PRR16: variants seen among roughly 807,000 people sequenced by gnomAD.
The protein encoded by PRR16 is proline rich 16.
In PRR16, 6 loss-of-function variants were observed where a neutral mutation model predicts 18.2. That is an observed-to-expected ratio of 0.33 (90% CI 0.18 to 0.65). The LOEUF is 0.65. Among genes scored for constraint, PRR16 ranks in the 30% least tolerant of loss-of-function variants. The pLI, the probability that PRR16 is intolerant of heterozygous loss-of-function variation, is 0.74. For synonymous variants in PRR16, 151 were observed against 147.8 expected (o/e 1.02, Z -0.16); for missense variants, 412 against 376.6 (o/e 1.09, Z -0.78).
At chr5:120,673,683 A>T (rs1293155681) in intron 1 of PRR16, among the ~76,000 whole-genome samples, 1 of 152,208 alleles carries the variant, frequency 6.6e-6, no homozygotes, top group African/African-American at 2.4e-5. Flanking sequence ...TCATGCCGAT[A>T]ATCCCAGCAC....
intron 1 of PRR16, among the ~76,000 whole-genome samples, chr5:120,577,048 G>C (rs984820768): frequency 2.6e-5 from 4 of 151,688 alleles, no homozygotes; most frequent in Non-Finnish European, 4.4e-5. Flanking sequence ...GTTTTCCAAC[G>C]CTGAAAGATT....
chr5:120,680,435 C>G (rs1438398374), intron 1 of PRR16, among the ~76,000 whole-genome samples: 2 of 152,084 alleles, frequency 1.3e-5, no homozygotes, highest in African/African-American at 4.8e-5. Flanking sequence ...CTAACACAAT[C>G]ACTTGTTAAT....
At chr5:120,664,608 TC>T (rs2150140957) in intron 1 of PRR16, among the ~76,000 whole-genome samples, 1 of 151,970 alleles carries the variant, frequency 6.6e-6, no homozygotes, top group East Asian at 1.9e-4. Context: ...CCCTCCCTGC[TC>T]CCCCTACCCC....
chr5:120,470,894 C>T (rs1439179057), intron 1 of PRR16, among the ~76,000 whole-genome samples: 1 of 152,068 alleles, frequency 6.6e-6, no homozygotes, highest in East Asian at 1.9e-4. Flanking sequence ...CCGCCAAGCT[C>T]TTTCACGTTT....
At chr5:120,675,293 A>G (rs976352381) in intron 1 of PRR16, among the ~76,000 whole-genome samples, 13 of 152,314 alleles carry the variant, frequency 8.5e-5, no homozygotes, top group African/African-American at 2.6e-4. Flanking sequence ...ATTCTTATCC[A>G]GTGACATTGT....
chr5:120,616,751 G>A (rs10042164), intron 1 of PRR16, among the ~76,000 whole-genome samples: 1 of 152,150 alleles, frequency 6.6e-6, no homozygotes, highest in African/African-American at 2.4e-5. Context: ...TGAGTCAGTG[G>A]TAACCTACAA....
At chr5:120,539,800 T>C (rs1353505513) in intron 1 of PRR16, among the ~76,000 whole-genome samples, 1 of 152,218 alleles carries the variant, frequency 6.6e-6, no homozygotes, top group African/African-American at 2.4e-5. Context: ...TATAATGTAA[T>C]TGGATGTTGT....
the PRR16 span, among the ~76,000 whole-genome samples, chr5:120,766,725 C>T: frequency 1.6e-4 from 24 of 151,872 alleles, no homozygotes; most frequent in Non-Finnish European, 2.9e-5. Flanking sequence ...GTTGGGTATA[C>T]AATAGATGAT....
At chr5:120,720,989 A>T in the PRR16 span, among the ~76,000 whole-genome samples, 35 of 152,168 alleles carry the variant, frequency 2.3e-4, no homozygotes, top group Non-Finnish European at 4.6e-4. Flanking sequence ...CCATCATTTC[A>T]TCATTTATCT....
chr5:120,742,660 T>C, the PRR16 span, among the ~76,000 whole-genome samples: 110 of 152,156 alleles, frequency 7.2e-4, no homozygotes, highest in Non-Finnish European at 1.2e-3. Flanking sequence ...TAAACTTCTT[T>C]CTATCTGTAT....
At chr5:120,697,668 G>T in the PRR16 span, among the ~76,000 whole-genome samples, 2 of 152,006 alleles carry the variant, frequency 1.3e-5, no homozygotes, top group Admixed American at 1.3e-4. Context: ...GATAAGGGTG[G>T]GGCCGTTTTA....
chr5:120,625,348 G>A (rs1437627846), intron 1 of PRR16, among the ~76,000 whole-genome samples: 3 of 152,024 alleles, frequency 2.0e-5, no homozygotes, highest in Non-Finnish European at 4.4e-5. Context: ...TTATTTTTTT[G>A]AGACAAGATC....
intron 1 of PRR16, among the ~76,000 whole-genome samples, chr5:120,518,453 C>G (rs1353864137): frequency 6.6e-6 from 1 of 151,970 alleles, no homozygotes; most frequent in African/African-American, 2.4e-5. Context: ...CCAGGAGTGG[C>G]ATGGAAACTG....
the PRR16 span, among the ~76,000 whole-genome samples, chr5:120,784,121 ATATT>A: frequency 6.6e-6 from 1 of 152,192 alleles, no homozygotes; most frequent in Non-Finnish European, 1.5e-5. Flanking sequence ...ATGGACATTT[ATATT>A]TATTTCATAT....
chr5:120,675,191 A>G (rs895151903), intron 1 of PRR16, among the ~76,000 whole-genome samples: 6 of 152,218 alleles, frequency 3.9e-5, no homozygotes, highest in Non-Finnish European at 8.8e-5. Flanking sequence ...GCAAGAGCAA[A>G]TGGCTGGATG....
chr5:120,585,796 C>T (rs535275753), intron 1 of PRR16, among the ~76,000 whole-genome samples: 2 of 151,956 alleles, frequency 1.3e-5, no homozygotes, highest in South Asian at 4.2e-4. Flanking sequence ...GGTACATTTC[C>T]TGAAATGAAA....
the PRR16 span, among the ~76,000 whole-genome samples, chr5:120,780,662 C>T: frequency 1.3e-5 from 2 of 152,106 alleles, no homozygotes; most frequent in Admixed American, 6.5e-5. Context: ...AGCTTTTCAA[C>T]GTTTTTTTAC....
At chr5:120,754,837 T>C in the PRR16 span, among the ~76,000 whole-genome samples, 12 of 151,086 alleles carry the variant, frequency 7.9e-5, no homozygotes, top group African/African-American at 2.7e-4. Flanking sequence ...TCAAAAGATA[T>C]GGATCAAAAC....
rs968856092 is a variant in PRR16, at chr5:120,464,539, C to G, written c.53C>G (p.Pro18Arg). ...TCCTCGTCCTGTCCAGCCGAGGGAC[C>G]GCCGGCAGCCTCCAAAACCAAGGTG... ...NPSSSCPAEG[P>R]PAASKTKVKE... Residue 18 changes from proline (P) to arginine (R), a missense_variant, in exon 1 of 2, where the codon CCG becomes CGG. Transcript: ENST00000407149. 2.5e-6 allele frequency: 4 copies of G among 1,591,490 alleles called. No individual in the cohort carries two copies. Among genetic ancestry groups the G allele is most frequent in the African/African-American group, 2.7e-5 (2 of 74,838 alleles).
Sources: allele counts gnomAD v4.1 joint callset (sites outside exome capture counted in the v4.1 genomes callset), GRCh38; gene constraint gnomAD v4.1.1; transcripts MANE v1.5; gene names NCBI Gene and HGNC (gene_info 2026-07-23, HGNC 2026-07-21).